Variants in PREX2 observed in about 807,000 individuals in gnomAD.
The protein encoded by PREX2 is phosphatidylinositol-3,4,5-trisphosphate dependent Rac exchange factor 2.
PREX2 carries 107 observed loss-of-function variants against 203.2 expected under a neutral mutation model. The ratio of observed to expected loss-of-function variants is 0.53; its 90% CI spans 0.45 to 0.62. PREX2 has a LOEUF of 0.62. Ranked by LOEUF, PREX2 falls within the 20% of genes least tolerant of loss-of-function variation. PREX2 has a pLI of 0.00. For synonymous variants in PREX2, 672 were observed against 663.6 expected, an observed-to-expected ratio of 1.01 and a Z score of -0.19; for missense variants, 1,777 against 1,955.9, an observed-to-expected ratio of 0.91 and a Z score of 1.72.
At chr8:68,109,280 G>T in intron 24 of PREX2, 136 bp from the exon 25 acceptor site, 1 of 643,832 alleles carries the variant, frequency 1.6e-6, no homozygotes, top group African/African-American at 1.8e-5. Flanking sequence ...GCATATATAC[G>T]TCAAAACATC....
chr8:68,122,534 T>C (rs549231829), intron 30 of PREX2, among the ~76,000 whole-genome samples: 1 of 152,228 alleles, frequency 6.6e-6, no homozygotes, highest in South Asian at 2.1e-4. Context: ...GCTGAATAGA[T>C]GCCAGTATTA....
At chr8:68,060,557 G>A (rs1808818450) in intron 10 of PREX2, 122 bp from the exon 11 acceptor site, 1 of 657,946 alleles carries the variant, frequency 1.5e-6, no homozygotes, top group South Asian at 2.0e-5. Context: ...GTTGAAATGT[G>A]TTGCAAATAT....
intron 1 of PREX2, among the ~76,000 whole-genome samples, chr8:67,964,551 AC>A (rs1805716059): frequency 6.6e-6 from 1 of 152,178 alleles, no homozygotes; most frequent in Non-Finnish European, 1.5e-5. Context: ...ATTCTTTCCC[AC>A]ATAGCAATCC....
intron 30 of PREX2, 24 bp from the exon 31 acceptor site, chr8:68,127,354 C>T: frequency 1.9e-6 from 3 of 1,566,098 alleles, no homozygotes; most frequent in Non-Finnish European, 2.6e-6. Flanking sequence ...GAACAATTAA[C>T]TGATGTGTTT....
Position 68,187,082 on chromosome 8 carries a change from G to A in PREX2, c.4347-4640G>A, listed in dbSNP as rs957218562. 2.7e-4 allele frequency among the ~76,000 whole-genome samples: 41 copies of A among 149,722 alleles called. 1 individual carries two copies. Among genetic ancestry groups the A allele is most frequent in the Admixed American group, 2.3e-3 (34 of 15,052 alleles). On this transcript the variant is annotated intron_variant, in intron 35 of 39. Transcript: ENST00000288368. ...TTTCAGAAAGAACAGAGTGCTCCAT[G>A]CAACCAGCTGTTTCTGTAGCAATGC...
intron 37 of PREX2, among the ~76,000 whole-genome samples, chr8:68,211,120 C>T (rs552509858): frequency 3.9e-5 from 6 of 152,200 alleles, no homozygotes; most frequent in Admixed American, 6.5e-5. Flanking sequence ...TTTAGTTCTA[C>T]AGTTTGCTGT....
intron 1 of PREX2, among the ~76,000 whole-genome samples, chr8:67,973,776 A>T (rs1805992241): frequency 6.6e-6 from 1 of 152,172 alleles, no homozygotes; most frequent in Non-Finnish European, 1.5e-5. Flanking sequence ...TTTGGGCCTG[A>T]TAGTAAAGCA....
chr8:68,050,765 A>T (rs912423859), intron 8 of PREX2, among the ~76,000 whole-genome samples: 40 of 152,176 alleles, frequency 2.6e-4, no homozygotes, highest in African/African-American at 9.4e-4. Context: ...GCCAGGCTTC[A>T]TGGAGGGGAT....
chr8:68,170,576 C>T (rs940418249), intron 35 of PREX2, among the ~76,000 whole-genome samples: 1 of 152,202 alleles, frequency 6.6e-6, no homozygotes, highest in Non-Finnish European at 1.5e-5. Flanking sequence ...AAATGCTTAA[C>T]AGCTGTTTCC....
intron 37 of PREX2, among the ~76,000 whole-genome samples, chr8:68,210,551 T>G (rs1812722824): frequency 6.6e-6 from 1 of 152,188 alleles, no homozygotes; most frequent in Non-Finnish European, 1.5e-5. Context: ...TGTTCTGGTT[T>G]CCCATGTCAT....
intron 22 of PREX2, 116 bp downstream of exon 22, chr8:68,097,317 T>C: frequency 1.3e-6 from 1 of 792,318 alleles, no homozygotes; most frequent in Non-Finnish European, 1.9e-6. Context: ...TGTCAGCTCA[T>C]TCAAACTTCT....
At chr8:68,148,064 T>C (rs1811363075) in intron 34 of PREX2, among the ~76,000 whole-genome samples, 1 of 152,028 alleles carries the variant, frequency 6.6e-6, no homozygotes, top group Non-Finnish European at 1.5e-5. Context: ...CCAGGCAACA[T>C]GGTGGAAACC....
chr8:68,085,044 C>T (rs916733233), intron 18 of PREX2, among the ~76,000 whole-genome samples: 2 of 152,166 alleles, frequency 1.3e-5, no homozygotes, highest in African/African-American at 4.8e-5. Context: ...GTTCGTTGCG[C>T]TGTGTCTAGA....
chr8:67,977,767 A>G (rs1806149503), intron 1 of PREX2, among the ~76,000 whole-genome samples: 1 of 152,148 alleles, frequency 6.6e-6, no homozygotes, highest in Non-Finnish European at 1.5e-5. Flanking sequence ...GCTTCCATAA[A>G]AACCCCAAAG....
intron 37 of PREX2, among the ~76,000 whole-genome samples, chr8:68,216,533 T>A (rs1333571702): frequency 6.6e-6 from 1 of 152,188 alleles, no homozygotes. Flanking sequence ...AACATTTTTT[T>A]AATGTTCTTT....
intron 7 of PREX2, among the ~76,000 whole-genome samples, chr8:68,043,869 A>G (rs1379450998): frequency 6.6e-6 from 1 of 152,116 alleles, no homozygotes; most frequent in African/African-American, 2.4e-5. Flanking sequence ...AGCTGGCACT[A>G]GATGTAATAT....
intron 15 of PREX2, among the ~76,000 whole-genome samples, chr8:68,078,528 A>T (rs1241882354): frequency 6.6e-6 from 1 of 152,160 alleles, no homozygotes; most frequent in Non-Finnish European, 1.5e-5. Context: ...CCTGTTTGTC[A>T]GTTACTTTTT....
intron 1 of PREX2, among the ~76,000 whole-genome samples, chr8:67,962,783 T>C (rs1322975963): frequency 6.6e-6 from 1 of 151,854 alleles, no homozygotes; most frequent in Non-Finnish European, 1.5e-5. Context: ...ATTTTTTGTA[T>C]TTTTAATGGA....
intron 35 of PREX2, among the ~76,000 whole-genome samples, chr8:68,166,204 T>G (rs1585840010): frequency 6.6e-6 from 1 of 152,232 alleles, no homozygotes; most frequent in Non-Finnish European, 1.5e-5. Context: ...GTATAGACCT[T>G]TGACCAAAGA....
Sources: allele counts gnomAD v4.1 joint callset (sites outside exome capture counted in the v4.1 genomes callset), GRCh38; gene constraint gnomAD v4.1.1; transcripts MANE v1.5; gene names NCBI Gene and HGNC (gene_info 2026-07-23, HGNC 2026-07-21).